Variants in SGSH observed in about 807,000 individuals in gnomAD.
SGSH encodes the protein N-sulfoglucosamine sulfohydrolase.
SGSH carries 48 observed loss-of-function variants against 51.0 expected under a neutral mutation model. The observed-to-expected ratio is 0.94, with a 90% CI of 0.75 to 1.20. The LOEUF (loss-of-function observed/expected upper bound fraction) is 1.20, where lower values mean the gene tolerates loss of function less well. Ranked by LOEUF, SGSH falls within the 50% of genes most tolerant of loss-of-function variation. SGSH has a pLI of 0.00. For synonymous variants in SGSH, 321 were observed against 313.4 expected (o/e 1.02, Z -0.26); for missense variants, 662 against 717.8 (o/e 0.92, Z 0.89).
downstream of SGSH, chr17:80,202,305 G>GTCCTGCACGTCACCGACACCATGT: frequency 6.2e-7 from 1 of 1,613,754 alleles, no homozygotes; most frequent in African/African-American, 1.3e-5. Context: ...TTGCAACGAG[G>GTCCTGCACGTCACCGACACCATGT]TCCTGCACGT....
At chr17:80,208,467 C>G, downstream of SGSH, 1 of 926,890 alleles carries the variant, frequency 1.1e-6, no homozygotes, top group South Asian at 1.9e-5. Context: ...CCGGCTCTCC[C>G]CACTGGCTGG....
chr17:80,214,890 C>A, intron 3 of SGSH, 125 bp from the exon 4 acceptor site: 1 of 1,325,554 alleles, frequency 7.5e-7, no homozygotes, highest in Non-Finnish European at 1.1e-6. Context: ...AGCCAGGAGA[C>A]CCAGGCCCAG....
intron 1 of SGSH, 112 bp from the exon 2 acceptor site, chr17:80,217,304 C>T: frequency 7.8e-7 from 1 of 1,275,382 alleles, no homozygotes; most frequent in Non-Finnish European, 1.1e-6. Flanking sequence ...CCCAGGTGGG[C>T]ATGGTACTGG....
At chr17:80,203,476 C>T (rs984669001), downstream of SGSH, 7 of 244,652 alleles carry the variant, frequency 2.9e-5, no homozygotes, top group East Asian at 8.3e-5. The surrounding 1 kb of genome is among the most constrained non-coding windows in gnomAD (Gnocchi z 4.6). Context: ...ACAGCTCTCT[C>T]GGTGACTCCA....
chr17:80,203,741 CA>C, downstream of SGSH: 1 of 1,070,758 alleles, frequency 9.3e-7, no homozygotes, highest in African/African-American at 1.6e-5. This position sits in a 1 kb window ranked among gnomAD's most constrained non-coding sequence, Gnocchi z 4.6. Context: ...CCATCTCCCC[CA>C]CTCTCCCCTG....
At chr17:80,208,043 A>T, downstream of SGSH, 1 of 916,286 alleles carries the variant, frequency 1.1e-6, no homozygotes, top group Non-Finnish European at 1.6e-6. Flanking sequence ...ACCTGTGTTT[A>T]GGGGTGTTTG....
In SGSH at chr17:80,212,297, A is replaced by T. The variant is rs985806779; in HGVS notation, c.746-23T>A. On this transcript the variant is annotated intron_variant, in intron 6 of 7. Transcript: ENST00000326317. This position sits in a 1 kb window ranked among gnomAD's most constrained non-coding sequence, Gnocchi z 5.9. Reference sequence around the variant, plus strand: ...CTCCTGTGGTGAGGGGCCGAGAAGCAGAGCTCAGCCGCAGACACGGAGGGA... The same window carrying T: ...CTCCTGTGGTGAGGGGCCGAGAAGCTGAGCTCAGCCGCAGACACGGAGGGA... 5 of 1,584,002 alleles carry T rather than the reference A, an allele frequency of 3.2e-6. No individual in the cohort carries two copies. Among genetic ancestry groups the T allele is most frequent in the Non-Finnish European group, 4.3e-6 (5 of 1,164,516 alleles).
At chr17:80,202,418 C>G (rs2041033310), downstream of SGSH, 1 of 1,609,550 alleles carries the variant, frequency 6.2e-7, no homozygotes, top group South Asian at 1.1e-5. Flanking sequence ...CCAACTACTC[C>G]AGGTGAGCAG....
chr17:80,208,049 G>A, downstream of SGSH: 3 of 1,007,976 alleles, frequency 3.0e-6, no homozygotes, highest in Non-Finnish European at 2.8e-6. Context: ...GTTTAGGGGT[G>A]TTTGGGTGCA....
At chr17:80,206,087 G>A (rs1355147217), downstream of SGSH, 1 of 162,828 alleles carries the variant, frequency 6.1e-6, no homozygotes, top group African/African-American at 2.4e-5. Flanking sequence ...CTCATCCCCA[G>A]AGCTCACAAT....
At chr17:80,201,221 C>T in the SGSH span, 1 of 159,318 alleles carries the variant, frequency 6.3e-6, no homozygotes, top group Non-Finnish European at 1.4e-5. This position sits in a 1 kb window ranked among gnomAD's most constrained non-coding sequence, Gnocchi z 5.0. Flanking sequence ...AAGCTTAGAA[C>T]AATATTGAGA....
Position 80,214,557 on chromosome 17 carries a change from C to G in SGSH, c.506+58G>C, listed in dbSNP as rs1218746560. ...GGCCCATGCATCCCGCCGGAAGACT[C>G]CGGGCTGTGCTCTGGTACCGGCCGC... is the stretch of plus-strand genomic sequence containing the variant. On this transcript the variant is annotated intron_variant, in intron 4 of 7. Coordinates refer to ENST00000326317, the MANE Select transcript of SGSH (RefSeq NM_000199.5). 6 of 1,564,490 alleles carry G rather than the reference C, an allele frequency of 3.8e-6. No individual in the cohort carries two copies. The East Asian group carries it at 1.4e-4, about 37-fold the overall frequency.
At chr17:80,203,702 C>G, downstream of SGSH, 1 of 690,626 alleles carries the variant, frequency 1.4e-6, no homozygotes. This position sits in a 1 kb window ranked among gnomAD's most constrained non-coding sequence, Gnocchi z 4.6. Context: ...GTGTGGAGCT[C>G]TAGGTGGAGG....
chr17:80,205,095 G>A (rs147954634), downstream of SGSH: 20 of 1,613,302 alleles, frequency 1.2e-5, no homozygotes, highest in South Asian at 2.2e-5. Flanking sequence ...ACCCTGGTGC[G>A]GCCCCATCGA....
chr17:80,206,493 C>T (rs1315473987), downstream of SGSH, among the ~76,000 whole-genome samples: 2 of 152,174 alleles, frequency 1.3e-5, no homozygotes, highest in African/African-American at 4.8e-5. Context: ...GGGCCGGGTG[C>T]GGTGGCTCAC....
downstream of SGSH, chr17:80,208,056 T>C (rs897295799): frequency 1.2e-5 from 13 of 1,066,360 alleles, no homozygotes; most frequent in Middle Eastern, 3.2e-4. Flanking sequence ...GGTGTTTGGG[T>C]GCATGTCATC....
chr17:80,204,400 G>T, downstream of SGSH: 1 of 1,468,540 alleles, frequency 6.8e-7, no homozygotes, highest in South Asian at 1.3e-5. Context: ...GGGGCTTTGG[G>T]AGCTGCTGCT....
At chr17:80,208,520 G>A (rs2041480961), downstream of SGSH, 1 of 554,940 alleles carries the variant, frequency 1.8e-6, no homozygotes, top group African/African-American at 1.9e-5. Flanking sequence ...CACACACAGT[G>A]AAGCCACTTG....
chr17:80,217,261 G>A, intron 1 of SGSH, 69 bp from the exon 2 acceptor site: 1 of 1,541,852 alleles, frequency 6.5e-7, no homozygotes, highest in Non-Finnish European at 8.7e-7. Flanking sequence ...GGGAGTGAGG[G>A]AGGCTGGGAC....
Sources: gnomAD v4.1 joint callset for allele counts (sites outside exome capture counted in the v4.1 genomes callset) on GRCh38, gnomAD v4.1.1 for gene constraint, Gnocchi (gnomAD v3.1) non-coding constraint, MANE v1.5 for transcripts, NCBI Gene and HGNC (gene_info 2026-07-23, HGNC 2026-07-21) for gene names.